RAB11FIP4: variants seen among roughly 807,000 people sequenced by gnomAD.
RAB11FIP4 encodes the protein RAB11 family interacting protein 4, also known as rab11 family-interacting protein 4.
RAB11FIP4 carries 23 observed loss-of-function variants against 74.3 expected under a neutral mutation model. That is an observed-to-expected ratio of 0.31 (90% CI 0.22 to 0.44). RAB11FIP4 has a LOEUF of 0.44. RAB11FIP4 is among the 20% of genes least tolerant of loss of function. RAB11FIP4 has a pLI of 1.00. For missense variants in RAB11FIP4, 630 were observed against 863.9 expected (o/e 0.73, Z 3.39); for synonymous variants, 360 against 359.9 (o/e 1.00, Z 0.00).
chr17:31,414,352 C>T (rs572579737), intron 1 of RAB11FIP4, among the ~76,000 whole-genome samples: 106 of 152,254 alleles, frequency 7.0e-4, no homozygotes, highest in Non-Finnish European at 1.2e-3. Flanking sequence ...CTCTCTGTCT[C>T]CCCACAGGCC....
intron 3 of RAB11FIP4, among the ~76,000 whole-genome samples, chr17:31,474,923 A>T (rs546432078): frequency 3.0e-4 from 45 of 152,082 alleles, no homozygotes; most frequent in African/African-American, 1.1e-3. Flanking sequence ...TGCTATGAGG[A>T]TTGTTAAGGT....
At chr17:31,417,291 G>C (rs891043076) in intron 1 of RAB11FIP4, among the ~76,000 whole-genome samples, 2 of 152,028 alleles carry the variant, frequency 1.3e-5, no homozygotes, top group African/African-American at 2.4e-5. Context: ...TCCTCCAGAG[G>C]GTCCCTTCCC....
chr17:31,537,093 A>G lies in RAB11FIP4; in HGVS notation c.*5361A>G, dbSNP rs2072977700. 1 of 399,526 alleles carries G rather than the reference A, an allele frequency of 2.5e-6. No individual in the cohort carries two copies. Among genetic ancestry groups the G allele is most frequent in the African/African-American group, 2.1e-5 (1 of 48,654 alleles). 24.7% of individuals were successfully genotyped at this position (399,526 alleles called of 1,614,324 possible). On this transcript the variant is annotated 3_prime_UTR_variant, in exon 15 of 15. Transcript: ENST00000621161. ...GGGCCCATCCGCTTTGCTGTGCTGCACAGGCTGTTTTCATCTGCATGGTTT... is the reference window on the plus strand; with the variant it reads ...GGGCCCATCCGCTTTGCTGTGCTGCGCAGGCTGTTTTCATCTGCATGGTTT...
intron 1 of RAB11FIP4, among the ~76,000 whole-genome samples, chr17:31,403,449 A>G (rs2071013923): frequency 1.3e-5 from 2 of 151,750 alleles, no homozygotes; most frequent in Admixed American, 6.6e-5. Context: ...CAGCCTCCCA[A>G]GTAGCTGGGA....
intron 3 of RAB11FIP4, among the ~76,000 whole-genome samples, chr17:31,505,503 A>AT: frequency 1.6e-5 from 1 of 62,780 alleles, no homozygotes; most frequent in Non-Finnish European, 3.2e-5. Context: ...TAATTATTAT[A>AT]TTATATATAA....
At chr17:31,475,397 G>C (rs2071781298) in intron 3 of RAB11FIP4, among the ~76,000 whole-genome samples, 1 of 152,216 alleles carries the variant, frequency 6.6e-6, no homozygotes, top group Non-Finnish European at 1.5e-5. Flanking sequence ...GACATTCTAA[G>C]CTGTCAAGAC....
At chr17:31,522,458 CT>C in intron 7 of RAB11FIP4, 63 bp downstream of exon 7, 1 of 1,536,346 alleles carries the variant, frequency 6.5e-7, no homozygotes, top group Non-Finnish European at 8.9e-7. Flanking sequence ...CTGGCCGGGG[CT>C]CCCTGCCAGC....
At chr17:31,453,370 A>C (rs1439883431) in intron 3 of RAB11FIP4, among the ~76,000 whole-genome samples, 2 of 135,628 alleles carry the variant, frequency 1.5e-5, no homozygotes, top group East Asian at 2.0e-4. Context: ...AAAAAAAAAA[A>C]AAAAAAAAAA....
In RAB11FIP4 at chr17:31,512,911, C is replaced by T. The variant is rs982381898; in HGVS notation, c.337-4740C>T. Among the ~76,000 whole-genome samples, 2 of 152,134 alleles carry T rather than the reference C, an allele frequency of 1.3e-5. No homozygotes were observed. The highest frequency in any genetic ancestry group is 2.9e-5 in the Non-Finnish European group (2 of 68,006). On this transcript the variant is annotated intron_variant, in intron 3 of 14. Coordinates refer to ENST00000621161, the MANE Select transcript of RAB11FIP4 (RefSeq NM_032932.6). This position sits in a 1 kb window ranked among gnomAD's most constrained non-coding sequence, Gnocchi z 4.1. The stretch of plus-strand genomic sequence containing the variant: ...CTGAGAGGCAGTCTTGGAAGCTGCC[C>T]TGGGCACAGACCTTACTTGCTGACC...
In RAB11FIP4 at chr17:31,524,957, G is replaced by A. The variant is rs1240817980; in HGVS notation, c.1134-133G>A. 2.9e-6 allele frequency: 3 copies of A among 1,033,752 alleles called. No individual in the cohort carries two copies. The African/African-American group carries it at 4.9e-5, about 17-fold the overall frequency. The allele number at this position is 1,033,752 out of a possible 1,614,324, so 64.0% of individuals were successfully genotyped here. Reference sequence around the variant, plus strand: ...GGTGTCCCCGTTCATCTCTCTGAAAGCTACTGGCCCACACGCCCTCAGTGG... The same window carrying A: ...GGTGTCCCCGTTCATCTCTCTGAAAACTACTGGCCCACACGCCCTCAGTGG... On this transcript the variant is annotated intron_variant, in intron 9 of 14. Transcript: ENST00000621161.
chr17:31,499,114 T>TG (rs897547808), intron 3 of RAB11FIP4, among the ~76,000 whole-genome samples: 1 of 152,200 alleles, frequency 6.6e-6, no homozygotes, highest in Non-Finnish European at 1.5e-5. Flanking sequence ...ATGCTTTTCT[T>TG]GGGGGAACCA....
At chr17:31,392,160 C>G (rs1025701149) in intron 1 of RAB11FIP4, 149 bp downstream of exon 1, 9 of 604,592 alleles carry the variant, frequency 1.5e-5, no homozygotes, top group Middle Eastern at 5.4e-4. Flanking sequence ...GGACCTCGGC[C>G]CCCCCCGGGT....
chr17:31,527,616 G>A, intron 10 of RAB11FIP4: 1 of 430,898 alleles, frequency 2.3e-6, no homozygotes, highest in Non-Finnish European at 3.9e-6. Flanking sequence ...AAGAAAATAA[G>A]AATGATAATT....
Position 31,525,108 on chromosome 17 carries a change from G to A in RAB11FIP4, c.1152G>A (p.Glu384=). Residue 384 remains glutamate, a synonymous_variant, in exon 10 of 15, where the codon GAG becomes GAA. Coordinates refer to ENST00000621161, the MANE Select transcript of RAB11FIP4 (RefSeq NM_032932.6). ...TCCTCAGGGTGCATGAGCTGGAGGAGATGGTGAAGGATCAGGAGACCACGG... is the reference window on the plus strand; with the variant it reads ...TCCTCAGGGTGCATGAGCTGGAGGAAATGGTGAAGGATCAGGAGACCACGG... The part of the protein sequence containing the change: ...QLVHRVHELE[E]MVKDQETTAE... 1 of 1,550,536 alleles carries A rather than the reference G, an allele frequency of 6.4e-7. No individual in the cohort carries two copies. The highest frequency in any genetic ancestry group is 1.4e-5 in the African/African-American group (1 of 73,196).
chr17:31,445,570 ATATATATATTTTTTTTTT>A (rs1165801815), intron 3 of RAB11FIP4, among the ~76,000 whole-genome samples: 23 of 11,588 alleles, frequency 2.0e-3, no homozygotes, highest in South Asian at 4.4e-3. Flanking sequence ...ATATATATAT[ATATATATATTTTTTTTTT>A]TTTTTTTTTT....
chr17:31,503,369 C>G (rs2072257685), intron 3 of RAB11FIP4, among the ~76,000 whole-genome samples: 1 of 149,666 alleles, frequency 6.7e-6, no homozygotes, highest in African/African-American at 2.6e-5. Flanking sequence ...TCTACAAATA[C>G]AGTCACATTC....
rs1235653974 is a variant in RAB11FIP4 at position 31,536,664 on chromosome 17, TC to T, written c.*4934del. On this transcript the variant is annotated 3_prime_UTR_variant, in exon 15 of 15. Coordinates refer to ENST00000621161, the MANE Select transcript of RAB11FIP4 (RefSeq NM_032932.6). ...GTCAGTGGATGACTTTGAGCGCTGA[TC>T]CTAGGGACCTGCCAGGTCCTCACTT... 1 of 244,774 alleles carries T rather than the reference TC, an allele frequency of 4.1e-6. No homozygotes were observed. The highest frequency in any genetic ancestry group is 7.8e-6 in the Non-Finnish European group (1 of 128,524). 15.2% of individuals were successfully genotyped at this position (244,774 alleles called of 1,614,324 possible).
chr17:31,519,287 T>C (rs533333693), intron 4 of RAB11FIP4, among the ~76,000 whole-genome samples: 36 of 152,260 alleles, frequency 2.4e-4, no homozygotes, highest in African/African-American at 8.4e-4. Flanking sequence ...GTGCTGGGAT[T>C]ACAGGTGTGA....
chr17:31,473,142 A>C (rs1414875686), intron 3 of RAB11FIP4, among the ~76,000 whole-genome samples: 1 of 152,058 alleles, frequency 6.6e-6, no homozygotes, highest in Non-Finnish European at 1.5e-5. Flanking sequence ...AATGGAATGG[A>C]AGGAGGACCC....
Sources: gnomAD v4.1 joint callset for allele counts (sites outside exome capture counted in the v4.1 genomes callset) on GRCh38, gnomAD v4.1.1 for gene constraint, Gnocchi (gnomAD v3.1) non-coding constraint, MANE v1.5 for transcripts, NCBI Gene and HGNC (gene_info 2026-07-23, HGNC 2026-07-21) for gene names.